The following ARHGAP15 variants were observed in gnomAD, a reference collection of about 807,000 sequenced individuals.
The protein encoded by ARHGAP15 is rho GTPase-activating protein 15.
ARHGAP15 carries 51 observed loss-of-function variants against 63.7 expected under a neutral mutation model. The ratio of observed to expected loss-of-function variants is 0.80; its 90% CI spans 0.64 to 1.01. The LOEUF (loss-of-function observed/expected upper bound fraction) is 1.01, where lower values mean the gene tolerates loss of function less well. Ranked by LOEUF, ARHGAP15 falls within the 50% of genes least tolerant of loss-of-function variation. The pLI, the probability that ARHGAP15 is intolerant of heterozygous loss-of-function variation, is 0.00. For missense variants in ARHGAP15, 560 were observed against 564.6 expected (o/e 0.99, Z 0.08); for synonymous variants, 191 against 193.8 (o/e 0.99, Z 0.12).
chr2:143,288,213 G>T (rs185204520), intron 6 of ARHGAP15, among the ~76,000 whole-genome samples: 43 of 152,258 alleles, frequency 2.8e-4, no homozygotes, highest in Admixed American at 7.9e-4. Flanking sequence ...CAGGGAGAGT[G>T]TCACTCATAT....
intron 6 of ARHGAP15, among the ~76,000 whole-genome samples, chr2:143,251,007 T>C (rs1680132697): frequency 6.6e-6 from 1 of 152,034 alleles, no homozygotes; most frequent in Non-Finnish European, 1.5e-5. Context: ...ATTAATTACA[T>C]TTACCAGTAT....
At chr2:143,268,686 T>C (rs1289900560) in intron 6 of ARHGAP15, among the ~76,000 whole-genome samples, 1 of 152,104 alleles carries the variant, frequency 6.6e-6, no homozygotes, top group Admixed American at 6.5e-5. Flanking sequence ...TTTGGATAAA[T>C]GTATGAGATG....
intron 10 of ARHGAP15, among the ~76,000 whole-genome samples, chr2:143,536,604 A>G (rs1390393978): frequency 2.1e-5 from 3 of 145,600 alleles, no homozygotes; most frequent in Non-Finnish European, 4.5e-5. Flanking sequence ...ATTCCCACCT[A>G]TGAACGAGAA....
intron 5 of ARHGAP15, among the ~76,000 whole-genome samples, chr2:143,241,673 C>T (rs552116005): frequency 6.6e-6 from 1 of 152,306 alleles, no homozygotes; most frequent in East Asian, 1.9e-4. Flanking sequence ...ACACAAGGCA[C>T]TTGAAGAGGG....
chr2:143,287,510 A>G (rs1304911285), intron 6 of ARHGAP15, among the ~76,000 whole-genome samples: 2 of 152,072 alleles, frequency 1.3e-5, no homozygotes, highest in African/African-American at 4.8e-5. Context: ...GATCTTGTTT[A>G]AAGAAATGTC....
rs377172358 is a variant in ARHGAP15, at chr2:143,240,443, T to C, written c.385-10068T>C. On this transcript the variant is annotated intron_variant, in intron 5 of 13. Coordinates refer to ENST00000295095, the MANE Select transcript of ARHGAP15 (RefSeq NM_018460.4). The stretch of plus-strand genomic sequence containing the variant: ...TATTCCGTGCAAAATGAATATGGAA[T>C]GATTTTATCTTTGTAGAGTGAGTAT... 2.5e-4 allele frequency among the ~76,000 whole-genome samples: 38 copies of C among 152,292 alleles called. 1 individual carries two copies. The South Asian group carries it at 3.5e-3, about 14-fold the overall frequency.
intron 12 of ARHGAP15, among the ~76,000 whole-genome samples, chr2:143,686,828 C>A (rs1391443935): frequency 6.6e-6 from 1 of 152,142 alleles, no homozygotes; most frequent in African/African-American, 2.4e-5. Context: ...AATCTAACAC[C>A]AATTTTGACT....
chr2:143,698,955 A>G (rs1683967076), intron 12 of ARHGAP15, among the ~76,000 whole-genome samples: 1 of 152,190 alleles, frequency 6.6e-6, no homozygotes, highest in Non-Finnish European at 1.5e-5. Context: ...TGAGAAAAAC[A>G]TATGCTGAAG....
intron 3 of ARHGAP15, among the ~76,000 whole-genome samples, chr2:143,215,242 T>C (rs944573100): frequency 6.6e-6 from 1 of 152,076 alleles, no homozygotes; most frequent in African/African-American, 2.4e-5. Context: ...AAAGACCCTC[T>C]AATAAAAAGA....
intron 1 of ARHGAP15, among the ~76,000 whole-genome samples, chr2:143,150,421 G>A (rs1235048798): frequency 6.6e-6 from 1 of 151,872 alleles, no homozygotes; most frequent in Non-Finnish European, 1.5e-5. Context: ...GGACACCATC[G>A]AACCACGTAG....
chr2:143,322,024 A>G (rs939067724), intron 6 of ARHGAP15, among the ~76,000 whole-genome samples: 1 of 152,194 alleles, frequency 6.6e-6, no homozygotes, highest in Admixed American at 6.5e-5. Flanking sequence ...TATCTAGATG[A>G]TTACTTCTTT....
At position 143,413,855 on chromosome 2, in the gene ARHGAP15, T is replaced by C. The variant is rs1688550498; in HGVS notation, c.475-21746T>C. On this transcript the variant is annotated intron_variant, in intron 6 of 13. Coordinates refer to ENST00000295095, the MANE Select transcript of ARHGAP15 (RefSeq NM_018460.4). The stretch of plus-strand genomic sequence containing the variant: ...AGCTCATCTGTCCAGGATTCCATTC[T>C]CTTCAAAATCTTGGCTCACATGTTT... 2.0e-5 allele frequency among the ~76,000 whole-genome samples: 3 copies of C among 152,026 alleles called. No homozygotes were observed. In the South Asian group the frequency reaches 6.2e-4, roughly 32 times the overall value.
At chr2:143,295,996 G>T (rs1016178803) in intron 6 of ARHGAP15, among the ~76,000 whole-genome samples, 1 of 151,984 alleles carries the variant, frequency 6.6e-6, no homozygotes, top group African/African-American at 2.4e-5. Context: ...GGCCTCTACG[G>T]CTTGTTACAG....
intron 5 of ARHGAP15, among the ~76,000 whole-genome samples, chr2:143,230,195 T>A (rs1347667985): frequency 2.0e-5 from 3 of 152,160 alleles, no homozygotes; most frequent in African/African-American, 7.2e-5. Flanking sequence ...GAAAAGATGA[T>A]CTTCCCCTGC....
At chr2:143,748,242 TGTTA>T (rs1318956309) in intron 13 of ARHGAP15, among the ~76,000 whole-genome samples, 22 of 152,352 alleles carry the variant, frequency 1.4e-4, no homozygotes, top group African/African-American at 5.0e-4. Flanking sequence ...TTGGTTACAC[TGTTA>T]ATTATGTCCA....
intron 8 of ARHGAP15, among the ~76,000 whole-genome samples, chr2:143,465,056 C>G (rs997091648): frequency 2.6e-5 from 4 of 152,132 alleles, no homozygotes; most frequent in Non-Finnish European, 4.4e-5. Context: ...TCCCATCAGT[C>G]TCTCAAAATG....
chr2:143,165,873 A>G (rs1690478029), intron 2 of ARHGAP15, among the ~76,000 whole-genome samples: 1 of 151,804 alleles, frequency 6.6e-6, no homozygotes, highest in South Asian at 2.1e-4. Flanking sequence ...ATCAAATAGG[A>G]AAGAAATTTA....
At chr2:143,585,992 T>C (rs1697093988) in intron 11 of ARHGAP15, among the ~76,000 whole-genome samples, 1 of 152,142 alleles carries the variant, frequency 6.6e-6, no homozygotes, top group Non-Finnish European at 1.5e-5. Context: ...AGTTTCTGAA[T>C]GTTTCACAGT....
intron 11 of ARHGAP15, among the ~76,000 whole-genome samples, chr2:143,576,635 C>T (rs554855676): frequency 2.5e-4 from 38 of 151,922 alleles, no homozygotes; most frequent in African/African-American, 9.2e-4. Context: ...ACCTAGCATA[C>T]CTTTAATGGA....
Sources: gnomAD v4.1 joint callset for allele counts (sites outside exome capture counted in the v4.1 genomes callset) on GRCh38, gnomAD v4.1.1 for gene constraint, MANE v1.5 for transcripts, NCBI Gene and HGNC (gene_info 2026-07-23, HGNC 2026-07-21) for gene names.